The following PCGF5 variants were observed in gnomAD, a reference collection of about 807,000 sequenced individuals.
PCGF5 encodes the protein polycomb group ring finger 5.
Under a neutral mutation model 44.3 loss-of-function variants are expected in PCGF5, and 9 were observed. The observed-to-expected ratio is 0.20, with a 90% CI of 0.12 to 0.35. The LOEUF is 0.35. Among genes scored for constraint, PCGF5 ranks in the 10% least tolerant of loss-of-function variants. The pLI is 1.00. For synonymous variants in PCGF5, 95 were observed against 102.5 expected, an observed-to-expected ratio of 0.93 and a Z score of 0.44; for missense variants, 146 against 305.3, an observed-to-expected ratio of 0.48 and a Z score of 3.89.
rs1323899670 is a variant in PCGF5, at chr10:91,280,923, A to T, written c.*2607A>T. 6.6e-6 allele frequency: 1 copy of T among 152,488 alleles called. No individual in the cohort carries two copies. The highest frequency in any genetic ancestry group is 1.9e-4 in the East Asian group (1 of 5,200). 9.4% of individuals were successfully genotyped at this position (152,488 alleles called of 1,614,324 possible). A position where few individuals can be genotyped will look rare whatever the true frequency, so the allele number is the denominator to read the frequency against. ...TCTGTAACATCAGAGACTAAAACTAAAAGTTTTCTTTAATCTGTTGTTTCT... is the reference window on the plus strand; with the variant it reads ...TCTGTAACATCAGAGACTAAAACTATAAGTTTTCTTTAATCTGTTGTTTCT... On this transcript the variant is annotated 3_prime_UTR_variant, in exon 10 of 10. Coordinates refer to ENST00000336126, the MANE Select transcript of PCGF5 (RefSeq NM_032373.5).
rs139899657 is a variant in PCGF5 at position 91,275,579 on chromosome 10, T to C, written c.724-2690T>C. Among the ~76,000 whole-genome samples the C allele has an allele frequency of 9.5e-3, 1,440 of 151,704 alleles. 25 individuals carry two copies. The highest frequency in any genetic ancestry group is 0.031 in the African/African-American group (1,301 of 41,326). ...CCTCAGCCTCCTTAGTAGCTGGGAT[T>C]ACAGGCATGCGCCACCATGCCCGGC... On this transcript the variant is annotated intron_variant, in intron 9 of 9. Transcript: ENST00000336126.
chr10:91,275,453 T>A (rs962390939), intron 9 of PCGF5, among the ~76,000 whole-genome samples: 21 of 151,728 alleles, frequency 1.4e-4, no homozygotes, highest in African/African-American at 4.8e-4. Flanking sequence ...TTATTTTTTT[T>A]TTTTTTGAGA....
intron 1 of PCGF5, among the ~76,000 whole-genome samples, chr10:91,179,412 C>T (rs1255544657): frequency 2.0e-5 from 3 of 152,008 alleles, no homozygotes; most frequent in Non-Finnish European, 4.4e-5. Flanking sequence ...AAACTTGTGT[C>T]GTGGGGTTTG....
At chr10:91,270,825 A>G (rs1232459242) in intron 8 of PCGF5, among the ~76,000 whole-genome samples, 2 of 152,134 alleles carry the variant, frequency 1.3e-5, no homozygotes, top group African/African-American at 4.8e-5. Context: ...ATATATGCAT[A>G]ATTTTAAAGT....
chr10:91,177,469 G>A (rs1843729780), intron 1 of PCGF5, among the ~76,000 whole-genome samples: 2 of 152,234 alleles, frequency 1.3e-5, no homozygotes, highest in Non-Finnish European at 2.9e-5. Flanking sequence ...AGAGGTTTCT[G>A]CTGCCTTTTG....
chr10:91,187,834 T>G (rs1843954832), intron 1 of PCGF5, among the ~76,000 whole-genome samples: 1 of 152,124 alleles, frequency 6.6e-6, no homozygotes, highest in African/African-American at 2.4e-5. Context: ...TAGAAAAAAC[T>G]TAGAGTATTT....
intron 8 of PCGF5, among the ~76,000 whole-genome samples, chr10:91,268,642 C>T (rs1043521006): frequency 6.6e-6 from 1 of 152,116 alleles, no homozygotes; most frequent in Non-Finnish European, 1.5e-5. Context: ...ATTCAGATTA[C>T]CCCTTTATCT....
chr10:91,220,886 C>G (rs1237912672), intron 1 of PCGF5, 50 bp downstream of exon 1: 1 of 152,544 alleles, frequency 6.6e-6, no homozygotes, highest in Non-Finnish European at 1.5e-5. Flanking sequence ...ACTCCTCACC[C>G]AAGTTTGCGC....
chr10:91,176,969 G>A (rs940177864), intron 1 of PCGF5, among the ~76,000 whole-genome samples: 3 of 152,214 alleles, frequency 2.0e-5, no homozygotes, highest in African/African-American at 7.2e-5. Context: ...TCCTTTGGAG[G>A]AGGAGAGGCG....
chr10:91,182,918 G>A (rs1843848106), intron 1 of PCGF5, among the ~76,000 whole-genome samples: 1 of 152,188 alleles, frequency 6.6e-6, no homozygotes, highest in African/African-American at 2.4e-5. Context: ...CCATGCAATT[G>A]TATGGTTTTG....
In PCGF5 at chr10:91,281,751, A is replaced by G. The variant is rs1846459520; in HGVS notation, c.*3435A>G. ...TCACCAAAGAAAGGCTTTAAACTGA[A>G]TTTTCTTGGTGAGATCAGTCAAATG... On this transcript the variant is annotated 3_prime_UTR_variant, in exon 10 of 10. Coordinates refer to ENST00000336126, the MANE Select transcript of PCGF5 (RefSeq NM_032373.5). 6.6e-6 allele frequency: 1 copy of G among 152,384 alleles called. No individual in the cohort carries two copies. The highest frequency in any genetic ancestry group is 1.5e-5 in the Non-Finnish European group (1 of 68,012). The allele number at this position is 152,384 out of a possible 1,614,324, so 9.4% of individuals were successfully genotyped here.
At chr10:91,174,150 G>A (rs1843661278) in intron 1 of PCGF5, among the ~76,000 whole-genome samples, 1 of 150,938 alleles carries the variant, frequency 6.6e-6, no homozygotes, top group Non-Finnish European at 1.5e-5. Context: ...TTGGGCCACT[G>A]TAGGTTGGAT....
chr10:91,222,587 A>G (rs1043487083), intron 1 of PCGF5, 102 bp from the exon 2 acceptor site: 3 of 470,250 alleles, frequency 6.4e-6, no homozygotes, highest in Non-Finnish European at 1.1e-5. Context: ...TATTCACCCA[A>G]TTGGGAACAT....
intron 7 of PCGF5, among the ~76,000 whole-genome samples, chr10:91,261,956 G>A (rs1647378928): frequency 6.6e-6 from 1 of 152,192 alleles, no homozygotes; most frequent in African/African-American, 2.4e-5. Flanking sequence ...AAACTGCCCT[G>A]ATATTAATCA....
At chr10:91,199,653 T>C (rs1844211793) in intron 1 of PCGF5, among the ~76,000 whole-genome samples, 1 of 152,226 alleles carries the variant, frequency 6.6e-6, no homozygotes, top group Non-Finnish European at 1.5e-5. Context: ...AGTTAAGAAG[T>C]AACATTCAAG....
At chr10:91,180,405 A>G (rs976613173) in intron 1 of PCGF5, among the ~76,000 whole-genome samples, 1 of 152,188 alleles carries the variant, frequency 6.6e-6, no homozygotes, top group Admixed American at 6.5e-5. Flanking sequence ...TGTCTTCATT[A>G]TGAAATCTTT....
At chr10:91,262,021 A>G (rs1015001540) in intron 7 of PCGF5, among the ~76,000 whole-genome samples, 1 of 152,250 alleles carries the variant, frequency 6.6e-6, no homozygotes, top group Non-Finnish European at 1.5e-5. Flanking sequence ...TCCTAGAGTT[A>G]TAACTAAAAC....
intron 1 of PCGF5, among the ~76,000 whole-genome samples, chr10:91,222,108 AT>A (rs1844699401): frequency 6.6e-6 from 1 of 152,160 alleles, no homozygotes; most frequent in South Asian, 2.1e-4. Context: ...AATGGGAAAC[AT>A]TTTTCTGTTT....
At chr10:91,185,193 G>T (rs1043687003) in intron 1 of PCGF5, among the ~76,000 whole-genome samples, 1 of 148,042 alleles carries the variant, frequency 6.8e-6, no homozygotes, top group East Asian at 2.2e-4. Context: ...ATCTCTGTCA[G>T]CCAGAAAACA....
Sources: allele counts gnomAD v4.1 joint callset (sites outside exome capture counted in the v4.1 genomes callset), GRCh38; gene constraint gnomAD v4.1.1; transcripts MANE v1.5; gene names NCBI Gene and HGNC (gene_info 2026-07-23, HGNC 2026-07-21).